TNFRSF1B: variants seen among roughly 807,000 people sequenced by gnomAD.
TNFRSF1B encodes the protein TNF receptor superfamily member 1B, also known as tumor necrosis factor receptor superfamily member 1B.
In TNFRSF1B, 19 loss-of-function variants were observed where a neutral mutation model predicts 44.6. The observed-to-expected ratio is 0.43, with a 90% confidence interval of 0.30 to 0.62. The LOEUF (loss-of-function observed/expected upper bound fraction) is 0.62, where lower values mean the gene tolerates loss of function less well. Ranked by LOEUF, TNFRSF1B falls within the 20% of genes least tolerant of loss-of-function variation. The pLI is 0.16. For missense variants in TNFRSF1B, 541 were observed against 619.9 expected (o/e 0.87, Z 1.35); for synonymous variants, 252 against 261.1 (o/e 0.97, Z 0.34).
In TNFRSF1B at chr1:12,208,777, A is replaced by C. The variant is rs930111356; in HGVS notation, c.*1757A>C. The C allele has an allele frequency of 6.6e-6, 1 of 152,270 alleles. No individual in the cohort carries two copies. The highest frequency in any genetic ancestry group is 2.4e-5 in the African/African-American group (1 of 41,476). The allele number at this position is 152,270 out of a possible 1,614,324, so 9.4% of individuals were successfully genotyped here. A position where few individuals can be genotyped will look rare whatever the true frequency, so the allele number is the denominator to read the frequency against. On this transcript the variant is annotated 3_prime_UTR_variant, in exon 10 of 10. Coordinates refer to ENST00000376259, the MANE Select transcript of TNFRSF1B (RefSeq NM_001066.3). Reference sequence around the variant, plus strand: ...CCCAGCCATTACCATGGAGACAAGAAGGGTTTTCCACCCTGGAATCAAGAT... The same window carrying C: ...CCCAGCCATTACCATGGAGACAAGACGGGTTTTCCACCCTGGAATCAAGAT...
At position 12,167,080 on chromosome 1, in the gene TNFRSF1B, C is replaced by T; in HGVS notation, c.-12C>T. The stretch of plus-strand genomic sequence containing the variant: ...CGCGAGGGCAGGGGGCAACCGGACC[C>T]CGCCCGCACCCATGGCGCCCGTCGC... On this transcript the variant is annotated 5_prime_UTR_variant, in exon 1 of 10. Transcript: ENST00000376259. The T allele has an allele frequency of 7.6e-7, 1 of 1,311,490 alleles. No homozygotes were observed. The highest frequency in any genetic ancestry group is 2.0e-5 in the South Asian group (1 of 49,632). The allele number at this position is 1,311,490 out of a possible 1,614,324, so 81.2% of individuals were successfully genotyped here. A position where few individuals can be genotyped will look rare whatever the true frequency, so the allele number is the denominator to read the frequency against.
intron 5 of TNFRSF1B, 52 bp downstream of exon 5, chr1:12,192,576 G>A (rs1639170073): frequency 1.2e-5 from 19 of 1,525,182 alleles, no homozygotes; most frequent in Non-Finnish European, 1.5e-5. Context: ...GCTGTCCCTG[G>A]GTGACTGTGG....
At chr1:12,174,333 T>C (rs542371973) in intron 1 of TNFRSF1B, among the ~76,000 whole-genome samples, 21 of 151,800 alleles carry the variant, frequency 1.4e-4, no homozygotes, top group Non-Finnish European at 2.1e-4. Flanking sequence ...CTGCAACCTC[T>C]GCCTCCCAGG....
rs1639332886 is a variant in TNFRSF1B, at chr1:12,199,043, G to T, written c.901-2924G>T. Among the ~76,000 whole-genome samples the T allele has an allele frequency of 6.6e-6, 1 of 152,098 alleles. No individual in the cohort carries two copies. The highest frequency in any genetic ancestry group is 2.4e-5 in the African/African-American group (1 of 41,406). On this transcript the variant is annotated intron_variant, in intron 8 of 9. Transcript: ENST00000376259. The surrounding 1 kb of genome is among the most constrained non-coding windows in gnomAD (Gnocchi z 4.0). ...CTCCTCAGTACTCGGCTCTACTGGG[G>T]TCCCAGCCCAAGGAATAGGACTCAG...
Position 12,201,991 on chromosome 1 carries a change from C to T in TNFRSF1B, c.925C>T (p.Arg309Trp), listed in dbSNP as rs534114957. ...KVPHLPADKARGTQGPEQQHL... is the reference protein window; with the variant it reads ...KVPHLPADKAWGTQGPEQQHL... ...GCCTCACTTGCCTGCCGATAAGGCC[C>T]GGGGTACACAGGGCCCCGAGCAGCA... The change falls in exon 9 of 10, where the codon CGG becomes TGG. Residue 309 changes from arginine to tryptophan, a missense_variant. Physicochemically the swap from Arg to Trp is moderately radical, Grantham distance 101. Coordinates refer to ENST00000376259, the MANE Select transcript of TNFRSF1B (RefSeq NM_001066.3). The T allele has an allele frequency of 7.1e-5, 114 of 1,612,732 alleles. 2 individuals are homozygous for T. In the South Asian group the frequency reaches 8.5e-4, roughly 12 times the overall value.
chr1:12,201,131 G>A (rs1206838117), intron 8 of TNFRSF1B, among the ~76,000 whole-genome samples: 3 of 151,874 alleles, frequency 2.0e-5, no homozygotes, highest in Admixed American at 6.6e-5. Context: ...GCAGTGACAC[G>A]TGCCTGTGGT....
In TNFRSF1B at chr1:12,187,883, C is replaced by T. The variant is rs2301258; in HGVS notation, c.79-913C>T. On this transcript the variant is annotated intron_variant, in intron 1 of 9. Coordinates refer to ENST00000376259, the MANE Select transcript of TNFRSF1B (RefSeq NM_001066.3). This position sits in a 1 kb window ranked among gnomAD's most constrained non-coding sequence, Gnocchi z 5.5. ...GGGTGGCTCTGGACCATGAATTGTACCAGGGTGGGTCCCACCTTGAGGCTG... is the reference window on the plus strand; with the variant it reads ...GGGTGGCTCTGGACCATGAATTGTATCAGGGTGGGTCCCACCTTGAGGCTG... Among the ~76,000 whole-genome samples the T allele has an allele frequency of 0.028, 4,242 of 152,224 alleles. 65 individuals carry two copies. Among genetic ancestry groups the T allele is most frequent in the Non-Finnish European group, 0.035 (2,382 of 68,000 alleles).
rs1022240011 is a variant in TNFRSF1B, at chr1:12,187,041, C to T, written c.79-1755C>T. On this transcript the variant is annotated intron_variant, in intron 1 of 9. Transcript: ENST00000376259. This position sits in a 1 kb window ranked among gnomAD's most constrained non-coding sequence, Gnocchi z 5.5. The stretch of plus-strand genomic sequence containing the variant: ...AGGCACAATGGTGACAGTGCTGCAG[C>T]TCTGCACTCCTGGAGGGTCACTCAG... Among the ~76,000 whole-genome samples the T allele has an allele frequency of 6.6e-5, 10 of 152,152 alleles. No homozygotes were observed. Among genetic ancestry groups the T allele is most frequent in the African/African-American group, 2.4e-4 (10 of 41,414 alleles).
rs781203144 is a variant in TNFRSF1B at position 12,206,810 on chromosome 1, C to G, written c.1176C>G (p.Asp392Glu). The change falls in exon 10 of 10, where the codon GAC (aspartate) becomes GAG (glutamate). Residue 392 changes from aspartate (D) to glutamate (E), a missense_variant. Transcript: ENST00000376259. The part of the protein sequence containing the change: ...TCIVNVCSSS[D>E]HSSQCSSQAS... ...TCGTGAACGTCTGTAGCAGCTCTGACCACAGCTCACAGTGCTCCTCCCAAG... is the reference window on the plus strand; with the variant it reads ...TCGTGAACGTCTGTAGCAGCTCTGAGCACAGCTCACAGTGCTCCTCCCAAG... The G allele has an allele frequency of 2.4e-5, 39 of 1,614,096 alleles. No homozygotes were observed. Among genetic ancestry groups the G allele is most frequent in the South Asian group, 1.8e-4 (16 of 91,074 alleles).
At position 12,207,117 on chromosome 1, in the gene TNFRSF1B, G is replaced by T; in HGVS notation, c.*97G>T. 5 of 1,337,304 alleles carry T rather than the reference G, an allele frequency of 3.7e-6. No individual in the cohort carries two copies. The highest frequency in any genetic ancestry group is 4.0e-6 in the Non-Finnish European group (4 of 1,002,728). 82.8% of individuals were successfully genotyped at this position (1,337,304 alleles called of 1,614,324 possible). On this transcript the variant is annotated 3_prime_UTR_variant, in exon 10 of 10. Coordinates refer to ENST00000376259, the MANE Select transcript of TNFRSF1B (RefSeq NM_001066.3). ...TGGTCCTTCCAGGCCCCCACCACTA[G>T]GACTCTGAGGCTCTTTCTGGGCCAA...
chr1:12,206,990 A>T lies in TNFRSF1B; in HGVS notation c.1356A>T (p.Gly452=). ...GSTEEKPLPL[G]VPDAGMKPS is the part of the protein sequence containing the mutation. The stretch of plus-strand genomic sequence containing the variant: ...CCGAAGAGAAGCCCCTGCCCCTTGG[A>T]GTGCCTGATGCTGGGATGAAGCCCA... Residue 452 remains glycine, a synonymous_variant, in exon 10 of 10, where the codon GGA becomes GGT. Coordinates refer to ENST00000376259, the MANE Select transcript of TNFRSF1B (RefSeq NM_001066.3). 1 of 1,599,452 alleles carries T rather than the reference A, an allele frequency of 6.3e-7. No individual in the cohort carries two copies. The highest frequency in any genetic ancestry group is 8.6e-7 in the Non-Finnish European group (1 of 1,169,076).
intron 9 of TNFRSF1B, among the ~76,000 whole-genome samples, chr1:12,205,309 GT>G (rs1639477993): frequency 1.3e-5 from 2 of 152,146 alleles, no homozygotes; most frequent in South Asian, 4.1e-4. Context: ...GTAGCAGGGG[GT>G]GGGGAATGTG....
In TNFRSF1B at chr1:12,187,220, C is replaced by A. The variant is rs1469196665; in HGVS notation, c.79-1576C>A. Among the ~76,000 whole-genome samples, 5 of 150,438 alleles carry A rather than the reference C, an allele frequency of 3.3e-5. No individual in the cohort carries two copies. Among genetic ancestry groups the A allele is most frequent in the Non-Finnish European group, 7.4e-5 (5 of 67,782 alleles). On this transcript the variant is annotated intron_variant, in intron 1 of 9. Transcript: ENST00000376259. The surrounding 1 kb of genome is among the most constrained non-coding windows in gnomAD (Gnocchi z 5.5). ...TAGGCTGGAAGTGCAGTGGCATGAT[C>A]TCAGCTCACTGCAACCTCCTCCTCC...
In TNFRSF1B at chr1:12,185,298, G is replaced by A. The variant is rs576198825; in HGVS notation, c.79-3498G>A. ...AAAGGAGCGTGAGAATCACTGGGGA[G>A]ATTTCCTTTTTCTTTTTCTTTCTCT... is the stretch of plus-strand genomic sequence containing the variant. On this transcript the variant is annotated intron_variant, in intron 1 of 9. Transcript: ENST00000376259. Among the ~76,000 whole-genome samples the A allele has an allele frequency of 7.3e-3, 1,061 of 145,712 alleles. 4 individuals are homozygous for A. The highest frequency in any genetic ancestry group is 0.012 in the Admixed American group (184 of 14,958).
At chr1:12,185,462 A>G (rs1638963436) in intron 1 of TNFRSF1B, among the ~76,000 whole-genome samples, 2 of 152,082 alleles carry the variant, frequency 1.3e-5, no homozygotes, top group African/African-American at 4.8e-5. Context: ...TGAACCCCTG[A>G]GAAGGCTTCT....
intron 8 of TNFRSF1B, among the ~76,000 whole-genome samples, chr1:12,198,438 G>C (rs1435198169): frequency 6.6e-6 from 1 of 152,044 alleles, no homozygotes; most frequent in South Asian, 2.1e-4. Flanking sequence ...CCACCCCAGC[G>C]CACACACTCA....
chr1:12,190,612 A>G (rs5746013), intron 2 of TNFRSF1B, among the ~76,000 whole-genome samples: 1 of 151,802 alleles, frequency 6.6e-6, no homozygotes, highest in Admixed American at 6.6e-5. Context: ...TGTTCCCCCT[A>G]TCATTCATGC....
rs1312671297 is a variant in TNFRSF1B at position 12,171,900 on chromosome 1, G to A, written c.78+4731G>A. On this transcript the variant is annotated intron_variant, in intron 1 of 9. Coordinates refer to ENST00000376259, the MANE Select transcript of TNFRSF1B (RefSeq NM_001066.3). The surrounding 1 kb of genome is among the most constrained non-coding windows in gnomAD (Gnocchi z 4.5). ...AAAATATTCATCTGACCTTGACCTT[G>A]ATAATGGCCCTGTTTTACAGATGAG... 6.6e-6 allele frequency among the ~76,000 whole-genome samples: 1 copy of A among 152,200 alleles called. No individual in the cohort carries two copies. Among genetic ancestry groups the A allele is most frequent in the East Asian group, 1.9e-4 (1 of 5,196 alleles).
rs368490138 is a variant in TNFRSF1B at position 12,186,157 on chromosome 1, A to G, written c.79-2639A>G. ...TCCTCTGGGTCGTTCCCGCTGAGGG[A>G]TTCCAGCTGTTGGCACCGAGGGGTG... On this transcript the variant is annotated intron_variant, in intron 1 of 9. Coordinates refer to ENST00000376259, the MANE Select transcript of TNFRSF1B (RefSeq NM_001066.3). The surrounding 1 kb of genome is among the most constrained non-coding windows in gnomAD (Gnocchi z 4.8). Among the ~76,000 whole-genome samples the G allele has an allele frequency of 3.6e-4, 55 of 152,302 alleles. 2 individuals are homozygous for G. Among genetic ancestry groups the G allele is most frequent in the African/African-American group, 8.4e-4 (35 of 41,570 alleles).
Sources: gnomAD v4.1 joint callset for allele counts (sites outside exome capture counted in the v4.1 genomes callset) on GRCh38, gnomAD v4.1.1 for gene constraint, Gnocchi (gnomAD v3.1) non-coding constraint, MANE v1.5 for transcripts, NCBI Gene and HGNC (gene_info 2026-07-23, HGNC 2026-07-21) for gene names.